The following LOC400499 variants were observed in gnomAD, a reference collection of about 807,000 sequenced individuals.
chr16:11,401,537 A>G, the LOC400499 span: 1 of 397,970 alleles, frequency 2.5e-6, no homozygotes, highest in Non-Finnish European at 4.4e-6. Flanking sequence ...ACAAAACCCC[A>G]TCCCTGTGCA....
chr16:11,513,349 T>C, the LOC400499 span, among the ~76,000 whole-genome samples: 1 of 147,174 alleles, frequency 6.8e-6, no homozygotes, highest in East Asian at 2.0e-4. Context: ...GAGACTACAG[T>C]GAGCCATGAT....
the LOC400499 span, among the ~76,000 whole-genome samples, chr16:11,437,686 A>T: frequency 6.6e-6 from 1 of 152,160 alleles, no homozygotes; most frequent in African/African-American, 2.4e-5. Context: ...TGGCCAACGT[A>T]GTGAAATCCC....
chr16:11,448,741 G>A, the LOC400499 span, among the ~76,000 whole-genome samples: 2,602 of 152,030 alleles, frequency 0.017, 28 homozygotes, highest in Non-Finnish European at 0.026. Flanking sequence ...TATAAGAAAA[G>A]AAGGAAAAGG....
At chr16:11,414,247 C>T in the LOC400499 span, 2 of 398,852 alleles carry the variant, frequency 5.0e-6, 1 homozygote, top group South Asian at 2.7e-4. Flanking sequence ...CCTGGTCCTC[C>T]CCACCCACCC....
the LOC400499 span, among the ~76,000 whole-genome samples, chr16:11,402,637 C>A: frequency 1.3e-5 from 2 of 152,140 alleles, no homozygotes; most frequent in African/African-American, 4.8e-5. Flanking sequence ...GATGTCCTAG[C>A]GCAGCTGACA....
At chr16:11,405,655 T>C in the LOC400499 span, among the ~76,000 whole-genome samples, 1 of 152,124 alleles carries the variant, frequency 6.6e-6, no homozygotes, top group African/African-American at 2.4e-5. Context: ...CTTAAACGTC[T>C]CTAAAACCTA....
At chr16:11,374,246 A>G in the LOC400499 span, among the ~76,000 whole-genome samples, 1 of 152,138 alleles carries the variant, frequency 6.6e-6, no homozygotes, top group Non-Finnish European at 1.5e-5. Context: ...GTTTGGTTTT[A>G]TAACTATGGT....
the LOC400499 span, chr16:11,448,205 T>C: frequency 3.4e-6 from 4 of 1,186,346 alleles, no homozygotes; most frequent in Non-Finnish European, 4.6e-6. Context: ...CGAGAATGGC[T>C]ACTGAACTGA....
chr16:11,390,026 G>A, the LOC400499 span: 1,105 of 932,080 alleles, frequency 1.2e-3, 12 homozygotes, highest in African/African-American at 0.017. Flanking sequence ...TCAGTGTGTC[G>A]GAAGGTGTCA....
the LOC400499 span, among the ~76,000 whole-genome samples, chr16:11,464,425 A>C: frequency 6.6e-6 from 1 of 152,360 alleles, no homozygotes; most frequent in East Asian, 1.9e-4. Flanking sequence ...TTTGCAGTTA[A>C]AGAGAACACT....
chr16:11,385,300 A>G, the LOC400499 span: 3 of 1,232,168 alleles, frequency 2.4e-6, no homozygotes, highest in Admixed American at 4.2e-5. Context: ...AGCGTCAGCG[A>G]GAATGTGTTG....
the LOC400499 span, among the ~76,000 whole-genome samples, chr16:11,511,704 G>T: frequency 2.6e-5 from 4 of 152,192 alleles, no homozygotes; most frequent in African/African-American, 7.2e-5. Flanking sequence ...TGAGCACAAG[G>T]TTTCTTTTTA....
chr16:11,490,559 G>C, the LOC400499 span, among the ~76,000 whole-genome samples: 1 of 152,194 alleles, frequency 6.6e-6, no homozygotes, highest in East Asian at 1.9e-4. Flanking sequence ...AAATTAGCTG[G>C]GCGAGGTGGT....
At chr16:11,419,528 G>A in the LOC400499 span, among the ~76,000 whole-genome samples, 1 of 152,094 alleles carries the variant, frequency 6.6e-6, no homozygotes, top group Non-Finnish European at 1.5e-5. Context: ...TACCATTCAG[G>A]ACATAGGTAT....
the LOC400499 span, among the ~76,000 whole-genome samples, chr16:11,402,575 G>A: frequency 2.0e-5 from 3 of 152,198 alleles, no homozygotes; most frequent in South Asian, 2.1e-4. Context: ...AAACCCTGCT[G>A]GCCTGTGGGC....
At chr16:11,498,375 A>G in the LOC400499 span, among the ~76,000 whole-genome samples, 101,995 of 151,728 alleles carry the variant, frequency 0.67, 34,418 homozygotes, top group Admixed American at 0.74. Context: ...CCAGCTACTC[A>G]GGAGGCTGAG....
At chr16:11,463,622 GCATA>G in the LOC400499 span, among the ~76,000 whole-genome samples, 2 of 152,174 alleles carry the variant, frequency 1.3e-5, no homozygotes, top group African/African-American at 4.8e-5. Context: ...ATGAATGTAT[GCATA>G]CAGATATGTC....
the LOC400499 span, among the ~76,000 whole-genome samples, chr16:11,482,716 C>T: frequency 4.0e-3 from 608 of 151,928 alleles, 8 homozygotes; most frequent in African/African-American, 0.014. Context: ...CACAGTGAGA[C>T]CCCATCTCAA....
At chr16:11,457,631 C>T in the LOC400499 span, among the ~76,000 whole-genome samples, 63,170 of 149,476 alleles carry the variant, frequency 0.42, 14,074 homozygotes, top group Non-Finnish European at 0.5. Context: ...AATTACCATA[C>T]GCCCCAGAAA....
Sources: gnomAD v4.1 joint callset for allele counts (sites outside exome capture counted in the v4.1 genomes callset) on GRCh38, gnomAD v4.1.1 for gene constraint, MANE v1.5 for transcripts.